Variants in CLMP observed in about 807,000 individuals in gnomAD.
CLMP encodes CXADR like cell adhesion molecule.
CLMP carries 27 observed loss-of-function variants against 45.2 expected under a neutral mutation model. That is an observed-to-expected ratio of 0.60 (90% CI 0.44 to 0.82). The LOEUF (loss-of-function observed/expected upper bound fraction) is 0.82, where lower values mean the gene tolerates loss of function less well. CLMP is among the 40% of genes least tolerant of loss of function. The pLI, the probability that CLMP is intolerant of heterozygous loss-of-function variation, is 0.00. For synonymous variants in CLMP, 167 were observed against 171.4 expected (o/e 0.97, Z 0.20); for missense variants, 403 against 448.4 (o/e 0.90, Z 0.91).
At chr11:123,131,205 C>A (rs1044425214) in intron 1 of CLMP, among the ~76,000 whole-genome samples, 1 of 152,038 alleles carries the variant, frequency 6.6e-6, no homozygotes, top group Non-Finnish European at 1.5e-5. Flanking sequence ...TTCTTTCCCC[C>A]CAAATAGTAT....
chr11:123,100,819 C>T (rs1026088240), intron 1 of CLMP, among the ~76,000 whole-genome samples: 6 of 151,842 alleles, frequency 4.0e-5, no homozygotes, highest in Admixed American at 2.6e-4. Context: ...TTTTTTTCCT[C>T]CCACTGAGAC....
intron 1 of CLMP, among the ~76,000 whole-genome samples, chr11:123,136,557 G>A (rs1392099778): frequency 7.5e-6 from 1 of 133,748 alleles, no homozygotes; most frequent in African/African-American, 2.9e-5. Flanking sequence ...TTACTTTTAA[G>A]TAATTTTTTT....
chr11:123,139,745 G>A (rs1284018914), intron 1 of CLMP, among the ~76,000 whole-genome samples: 1 of 152,174 alleles, frequency 6.6e-6, no homozygotes, highest in Non-Finnish European at 1.5e-5. Context: ...GAACCTGGCA[G>A]GTGGAGGTTG....
chr11:123,070,957 T>G lies in CLMP; in HGVS notation c.*2517A>C, dbSNP rs1201589157. On this transcript the variant is annotated 3_prime_UTR_variant, in exon 7 of 7. Coordinates refer to ENST00000448775, the MANE Select transcript of CLMP (RefSeq NM_024769.5). The stretch of plus-strand genomic sequence containing the variant: ...TCCTGGGGACTTTACAAGAATTTTG[T>G]TTTTTGCACTATGTGACGACACGAT... The G allele has an allele frequency of 6.6e-6, 1 of 152,206 alleles. No homozygotes were observed. Among genetic ancestry groups the G allele is most frequent in the Non-Finnish European group, 1.5e-5 (1 of 68,040 alleles). The allele number at this position is 152,206 out of a possible 1,614,324, so 9.4% of individuals were successfully genotyped here. A position where few individuals can be genotyped will look rare whatever the true frequency, so the allele number is the denominator to read the frequency against.
In CLMP at chr11:123,134,121, G is replaced by A. The variant is rs190906879; in HGVS notation, c.29-36169C>T. On this transcript the variant is annotated intron_variant, in intron 1 of 6. Coordinates refer to ENST00000448775, the MANE Select transcript of CLMP (RefSeq NM_024769.5). ...CTAAAAATACAAAAATTCGCCAGGC[G>A]TGGTGGCACACACCTGTAATCCCAG... Among the ~76,000 whole-genome samples, 79 of 152,026 alleles carry A rather than the reference G, an allele frequency of 5.2e-4. 1 individual carries two copies. The highest frequency in any genetic ancestry group is 9.8e-4 in the Admixed American group (15 of 15,262).
chr11:123,081,036 C>G (rs1459471547), intron 5 of CLMP, among the ~76,000 whole-genome samples: 1 of 152,028 alleles, frequency 6.6e-6, no homozygotes, highest in Non-Finnish European at 1.5e-5. Flanking sequence ...GTCCCAGCTA[C>G]TCGCTACTCG....
chr11:123,141,453 G>A (rs573542197), intron 1 of CLMP, among the ~76,000 whole-genome samples: 29 of 152,084 alleles, frequency 1.9e-4, no homozygotes, highest in Middle Eastern at 3.4e-3. Context: ...CAAAGTGCTG[G>A]GATTACAGGT....
At chr11:123,162,148 G>A (rs1277719098) in intron 1 of CLMP, among the ~76,000 whole-genome samples, 1 of 152,180 alleles carries the variant, frequency 6.6e-6, no homozygotes, top group Non-Finnish European at 1.5e-5. Context: ...AGTTCCTGGA[G>A]GACACAGAGC....
chr11:123,106,418 TGTGTGTGC>T (rs752461270), intron 1 of CLMP, among the ~76,000 whole-genome samples: 2,064 of 103,188 alleles, frequency 0.02, 31 homozygotes, highest in African/African-American at 0.065. Flanking sequence ...TGTGTGTGTG[TGTGTGTGC>T]GCGCGCGCGC....
chr11:123,157,143 G>C (rs1052863868), intron 1 of CLMP, among the ~76,000 whole-genome samples: 29 of 152,180 alleles, frequency 1.9e-4, no homozygotes, highest in African/African-American at 6.5e-4. Context: ...GGAATATTCT[G>C]AGTAGTTTTA....
chr11:123,183,189 T>C (rs1861791517), intron 1 of CLMP, among the ~76,000 whole-genome samples: 2 of 152,156 alleles, frequency 1.3e-5, no homozygotes, highest in Non-Finnish European at 2.9e-5. Context: ...TCCAACAAGC[T>C]CCCTGGTGAA....
At position 123,084,593 on chromosome 11, in the gene CLMP, G is replaced by T. The variant is rs771535184; in HGVS notation, c.307C>A (p.Pro103Thr). The T allele has an allele frequency of 3.1e-6, 5 of 1,614,186 alleles. No homozygotes were observed. Among genetic ancestry groups the T allele is most frequent in the Non-Finnish European group, 3.4e-6 (4 of 1,180,020 alleles). The change falls in exon 3 of 7, where the codon CCC becomes ACC. Residue 103 changes from proline (P) to threonine (T), a missense_variant. Transcript: ENST00000448775. The stretch of plus-strand genomic sequence containing the variant: ...CAGGTGTACCGGCCCTCATCACTGG[G>T]CTTCAGAGGTTCAATCTGCAAGGAG... ...DASLQIEPLKPSDEGRYTCKV... is the reference protein window; with the variant it reads ...DASLQIEPLKTSDEGRYTCKV...
At chr11:123,141,864 C>T (rs1861166162) in intron 1 of CLMP, among the ~76,000 whole-genome samples, 1 of 152,042 alleles carries the variant, frequency 6.6e-6, no homozygotes, top group African/African-American at 2.4e-5. Flanking sequence ...ATAACTCCTT[C>T]GCTTTTGTAT....
At chr11:123,089,513 C>T (rs1026553911) in intron 2 of CLMP, among the ~76,000 whole-genome samples, 2 of 152,110 alleles carry the variant, frequency 1.3e-5, no homozygotes, top group Non-Finnish European at 2.9e-5. Context: ...TGCCTGTAAT[C>T]CCAGCACTTT....
rs371579188 is a variant in CLMP at position 123,073,782 on chromosome 11, G to A, written c.822-8C>T. The stretch of plus-strand genomic sequence containing the variant: ...GGAGCTTCAGCATCTTCTCTGAAGA[G>A]AAAAAACAGCAAAGATTAACACTGG... On this transcript the variant is annotated splice_polypyrimidine_tract_variant and splice_region_variant and intron_variant, in intron 6 of 6. Transcript: ENST00000448775. 9.0e-6 allele frequency: 14 copies of A among 1,558,508 alleles called. No individual in the cohort carries two copies. In the African/African-American group the frequency reaches 1.1e-4, roughly 12 times the overall value.
intron 1 of CLMP, among the ~76,000 whole-genome samples, chr11:123,172,688 G>A (rs1861652219): frequency 2.0e-5 from 3 of 151,868 alleles, no homozygotes; most frequent in African/African-American, 7.3e-5. Flanking sequence ...TTTTAGCCGT[G>A]TTGCCCAGGC....
chr11:123,178,672 C>T (rs1861730078), intron 1 of CLMP, among the ~76,000 whole-genome samples: 1 of 152,194 alleles, frequency 6.6e-6, no homozygotes, highest in South Asian at 2.1e-4. Context: ...AGGAGTGTTA[C>T]ATTTGTAAAA....
chr11:123,182,848 C>T (rs967543598), intron 1 of CLMP, among the ~76,000 whole-genome samples: 2 of 152,184 alleles, frequency 1.3e-5, no homozygotes, highest in Non-Finnish European at 2.9e-5. Context: ...CCAGCACTCA[C>T]GCACCCTCCA....
chr11:123,123,258 C>CT (rs1860843683), intron 1 of CLMP, among the ~76,000 whole-genome samples: 2 of 87,834 alleles, frequency 2.3e-5, no homozygotes, highest in Admixed American at 2.2e-4. Flanking sequence ...TTCTTTCTTT[C>CT]CTTTTTTTTT....
Sources: gnomAD v4.1 joint callset for allele counts (sites outside exome capture counted in the v4.1 genomes callset) on GRCh38, gnomAD v4.1.1 for gene constraint, MANE v1.5 for transcripts, NCBI Gene and HGNC (gene_info 2026-07-23, HGNC 2026-07-21) for gene names.